The following CCBE1 variants were observed in gnomAD, a reference collection of about 807,000 sequenced individuals.
CCBE1 encodes the protein collagen and calcium binding EGF domains 1.
In CCBE1, 37 loss-of-function variants were observed where a neutral mutation model predicts 50.0. That is an observed-to-expected ratio of 0.74 (90% confidence interval 0.57 to 0.97). CCBE1 has a LOEUF of 0.97. CCBE1 is among the 50% of genes least tolerant of loss of function. The pLI, the probability that CCBE1 is intolerant of heterozygous loss-of-function variation, is 0.00. For missense variants in CCBE1, 538 were observed against 523.8 expected (o/e 1.03, Z -0.26); for synonymous variants, 234 against 203.7 (o/e 1.15, Z -1.27).
chr18:59,504,793 C>T (rs934693710), intron 2 of CCBE1, among the ~76,000 whole-genome samples: 6 of 152,108 alleles, frequency 3.9e-5, no homozygotes, highest in African/African-American at 1.2e-4. Context: ...TGATTTCCTC[C>T]TCCTCTTTGA....
intron 2 of CCBE1, among the ~76,000 whole-genome samples, chr18:59,617,121 C>T (rs1176885941): frequency 1.7e-4 from 26 of 152,200 alleles, no homozygotes; most frequent in Admixed American, 1.7e-3. Flanking sequence ...AACCTCTGAA[C>T]TATACCAGTG....
At chr18:59,670,526 G>A (rs374711658) in intron 2 of CCBE1, among the ~76,000 whole-genome samples, 1 of 152,226 alleles carries the variant, frequency 6.6e-6, no homozygotes, top group East Asian at 1.9e-4. Flanking sequence ...CCAGTAATAG[G>A]ACGGCCCATT....
chr18:59,576,847 G>C (rs975256964), intron 2 of CCBE1, among the ~76,000 whole-genome samples: 1 of 152,206 alleles, frequency 6.6e-6, no homozygotes, highest in African/African-American at 2.4e-5. Flanking sequence ...TCTGTTTGCT[G>C]TCTTTTGAAG....
intron 2 of CCBE1, among the ~76,000 whole-genome samples, chr18:59,681,417 T>G (rs993534189): frequency 1.3e-5 from 2 of 152,234 alleles, no homozygotes; most frequent in African/African-American, 2.4e-5. Flanking sequence ...AGAAAGCTGA[T>G]CTGATGTCCC....
At chr18:59,673,614 C>T (rs1233391316) in intron 2 of CCBE1, among the ~76,000 whole-genome samples, 4 of 152,150 alleles carry the variant, frequency 2.6e-5, no homozygotes, top group African/African-American at 7.2e-5. Context: ...ACATACATTC[C>T]ATCAATACCT....
chr18:59,609,017 T>C lies in CCBE1; in HGVS notation c.212+87612A>G, dbSNP rs999321382. 1.4e-4 allele frequency among the ~76,000 whole-genome samples: 22 copies of C among 152,266 alleles called. No individual in the cohort carries two copies. The East Asian group carries it at 4.2e-3, about 29-fold the overall frequency. The stretch of plus-strand genomic sequence containing the variant: ...TGATGGGAAACCCAACAGACTTGAG[T>C]TCTTGCATTATGTGACTTGTCATAT... On this transcript the variant is annotated intron_variant, in intron 2 of 10. Transcript: ENST00000439986.
chr18:59,448,249 T>A, intron 6 of CCBE1, 146 bp from the exon 7 acceptor site: 2 of 1,213,052 alleles, frequency 1.6e-6, no homozygotes, highest in Non-Finnish European at 2.3e-6. Flanking sequence ...AGAGAAACTA[T>A]AAAGAGCCTC....
chr18:59,645,686 G>A (rs1005671231), intron 2 of CCBE1, among the ~76,000 whole-genome samples: 4 of 152,180 alleles, frequency 2.6e-5, no homozygotes, highest in Non-Finnish European at 5.9e-5. Flanking sequence ...GGAAACTGTA[G>A]GTTTTGAAAC....
chr18:59,508,573 G>A (rs1292382535), intron 2 of CCBE1, among the ~76,000 whole-genome samples: 1 of 151,678 alleles, frequency 6.6e-6, no homozygotes, highest in African/African-American at 2.4e-5. Context: ...CTCTAGCCTG[G>A]GCAAAAGAGT....
intron 2 of CCBE1, among the ~76,000 whole-genome samples, chr18:59,554,202 G>A (rs944603093): frequency 6.6e-6 from 1 of 152,060 alleles, no homozygotes; most frequent in African/African-American, 2.4e-5. Context: ...TCCCAGACTT[G>A]TCTTGAACTC....
chr18:59,493,731 G>A (rs184621181), intron 2 of CCBE1, among the ~76,000 whole-genome samples: 3 of 152,208 alleles, frequency 2.0e-5, no homozygotes, highest in African/African-American at 7.2e-5. Flanking sequence ...GGGAGAAATG[G>A]ATATGCTTAG....
At chr18:59,584,977 T>A (rs2053157027) in intron 2 of CCBE1, among the ~76,000 whole-genome samples, 1 of 152,156 alleles carries the variant, frequency 6.6e-6, no homozygotes, top group Non-Finnish European at 1.5e-5. Context: ...AACAGTTTCC[T>A]ATTGCTGTAA....
intron 2 of CCBE1, among the ~76,000 whole-genome samples, chr18:59,604,054 T>C (rs1325320138): frequency 1.3e-5 from 2 of 152,256 alleles, no homozygotes; most frequent in Non-Finnish European, 2.9e-5. Flanking sequence ...AAGGTATCTG[T>C]TGTTTCTCTC....
At chr18:59,614,178 G>A (rs1286233075) in intron 2 of CCBE1, among the ~76,000 whole-genome samples, 2 of 152,064 alleles carry the variant, frequency 1.3e-5, no homozygotes, top group Non-Finnish European at 2.9e-5. Context: ...GCTAATTTTT[G>A]TATTTTGGTA....
At position 59,696,642 on chromosome 18, in the gene CCBE1, T is replaced by C. The variant is rs2054807625; in HGVS notation, c.199A>G (p.Thr67Ala). ...YPCLKSSGELTTCYRKKCCKG... is the reference protein window; with the variant it reads ...YPCLKSSGELATCYRKKCCKG... The stretch of plus-strand genomic sequence containing the variant: ...CCCCAGGCTTACCTGTAGCATGTGG[T>C]GAGCTCGCCTGAAGACTTCAGACAC... Residue 67 changes from threonine to alanine, a missense_variant, in exon 2 of 11, where the codon ACC (threonine) becomes GCC (alanine). Physicochemically the swap from Thr to Ala is moderately conservative, Grantham distance 58. Coordinates refer to ENST00000439986, the MANE Select transcript of CCBE1 (RefSeq NM_133459.4). 3 of 1,614,012 alleles carry C rather than the reference T, an allele frequency of 1.9e-6. No homozygotes were observed. The highest frequency in any genetic ancestry group is 2.5e-6 in the Non-Finnish European group (3 of 1,179,912).
At chr18:59,599,247 T>A (rs971028250) in intron 2 of CCBE1, among the ~76,000 whole-genome samples, 6 of 152,202 alleles carry the variant, frequency 3.9e-5, no homozygotes, top group Non-Finnish European at 1.5e-5. Flanking sequence ...TAAGTCACAT[T>A]ATAAATATCT....
At chr18:59,617,531 C>T (rs1234234847) in intron 2 of CCBE1, among the ~76,000 whole-genome samples, 1 of 152,202 alleles carries the variant, frequency 6.6e-6, no homozygotes, top group Non-Finnish European at 1.5e-5. Flanking sequence ...AGGTAACTGA[C>T]TGTTTTTGTC....
At chr18:59,604,167 C>T (rs540954345) in intron 2 of CCBE1, among the ~76,000 whole-genome samples, 26 of 152,346 alleles carry the variant, frequency 1.7e-4, no homozygotes, top group African/African-American at 6.0e-4. Flanking sequence ...CCTCTTCACC[C>T]CATAAGAGCT....
chr18:59,586,994 C>T (rs535486974), intron 2 of CCBE1, among the ~76,000 whole-genome samples: 5 of 151,982 alleles, frequency 3.3e-5, no homozygotes, highest in East Asian at 1.9e-4. Context: ...AAATGGAAAC[C>T]GTGAACATGG....
Sources: allele counts gnomAD v4.1 joint callset (sites outside exome capture counted in the v4.1 genomes callset), GRCh38; gene constraint gnomAD v4.1.1; transcripts MANE v1.5; gene names NCBI Gene and HGNC (gene_info 2026-07-23, HGNC 2026-07-21).